Variants in CCBE1 observed in about 807,000 individuals in gnomAD.
The protein encoded by CCBE1 is collagen and calcium-binding EGF domain-containing protein 1.
In CCBE1, 37 loss-of-function variants were observed where a neutral mutation model predicts 50.0. The observed-to-expected ratio is 0.74, with a 90% CI of 0.57 to 0.97. The LOEUF is 0.97. Ranked by LOEUF, CCBE1 falls within the 50% of genes least tolerant of loss-of-function variation. The probability of loss-of-function intolerance (pLI) is 0.00; values close to 1 mark genes in which losing one functional copy is unlikely to be tolerated. For synonymous variants in CCBE1, 234 were observed against 203.7 expected, an observed-to-expected ratio of 1.15 and a Z score of -1.27; for missense variants, 538 against 523.8, an observed-to-expected ratio of 1.03 and a Z score of -0.26.
chr18:59,686,158 T>C (rs972708216), intron 2 of CCBE1: 3 of 152,224 alleles, frequency 2.0e-5, no homozygotes, highest in Non-Finnish European at 2.9e-5. Flanking sequence ...GAAAGCAAGG[T>C]ATGTATGACC....
chr18:59,537,229 C>G (rs1305413180), intron 2 of CCBE1, among the ~76,000 whole-genome samples: 1 of 152,098 alleles, frequency 6.6e-6, no homozygotes, highest in African/African-American at 2.4e-5. Flanking sequence ...AACTCAGATT[C>G]TGGAGTCGTC....
intron 2 of CCBE1, among the ~76,000 whole-genome samples, chr18:59,689,270 T>A (rs535013990): frequency 6.6e-6 from 1 of 152,180 alleles, no homozygotes; most frequent in Non-Finnish European, 1.5e-5. Flanking sequence ...GGGCCAAGGA[T>A]GAGAAGCTTC....
chr18:59,562,239 A>C (rs983827333), intron 2 of CCBE1, among the ~76,000 whole-genome samples: 6 of 152,288 alleles, frequency 3.9e-5, no homozygotes, highest in African/African-American at 1.4e-4. Context: ...ACACAAGCTG[A>C]CTGGCTAGGC....
At chr18:59,617,898 G>A (rs1246164893) in intron 2 of CCBE1, among the ~76,000 whole-genome samples, 3 of 152,202 alleles carry the variant, frequency 2.0e-5, no homozygotes, top group Non-Finnish European at 2.9e-5. Flanking sequence ...AATCAAGCCA[G>A]TATGTGACTT....
At chr18:59,509,398 A>G (rs1193842595) in intron 2 of CCBE1, among the ~76,000 whole-genome samples, 1 of 152,226 alleles carries the variant, frequency 6.6e-6, no homozygotes, top group Non-Finnish European at 1.5e-5. Flanking sequence ...TTTTAATGAT[A>G]CTATCTATAA....
At chr18:59,445,297 C>G (rs1368061512) in intron 7 of CCBE1, among the ~76,000 whole-genome samples, 1 of 152,188 alleles carries the variant, frequency 6.6e-6, no homozygotes, top group Non-Finnish European at 1.5e-5. Flanking sequence ...ATAATCAGCT[C>G]TGTGAGAGCT....
At chr18:59,560,884 A>G (rs62092932) in intron 2 of CCBE1, among the ~76,000 whole-genome samples, 17,213 of 152,228 alleles carry the variant, frequency 0.11, 1,326 homozygotes, top group East Asian at 0.4. Flanking sequence ...GAAGCATACT[A>G]AAGTACAAGT....
At chr18:59,677,583 T>TTAAAAGAG (rs1479625472) in intron 2 of CCBE1, among the ~76,000 whole-genome samples, 1 of 152,076 alleles carries the variant, frequency 6.6e-6, no homozygotes, top group Non-Finnish European at 1.5e-5. Flanking sequence ...AGGAAAAATG[T>TTAAAAGAG]GAGATCCAGG....
intron 2 of CCBE1, among the ~76,000 whole-genome samples, chr18:59,485,081 A>G (rs1912751765): frequency 1.3e-5 from 2 of 152,066 alleles, no homozygotes; most frequent in Admixed American, 6.5e-5. Context: ...TTCTGGGGAG[A>G]CAATCATTCT....
At chr18:59,591,492 A>G (rs566499000) in intron 2 of CCBE1, among the ~76,000 whole-genome samples, 2 of 152,362 alleles carry the variant, frequency 1.3e-5, no homozygotes, top group Admixed American at 1.3e-4. Context: ...TCACATATAC[A>G]TCGTATAAAC....
Position 59,467,149 on chromosome 18 carries a change from G to A in CCBE1, c.401-258C>T, listed in dbSNP as rs544430395. Among the ~76,000 whole-genome samples the A allele has an allele frequency of 8.9e-4, 135 of 152,314 alleles. 3 individuals carry two copies. The highest frequency in any genetic ancestry group is 6.8e-3 in the Middle Eastern group (2 of 294). ...TGGCTCTGCCACTCGCAAGTCATGTGGCTTAGACTGCTAGCCTTCAGAGAT... is the reference window on the plus strand; with the variant it reads ...TGGCTCTGCCACTCGCAAGTCATGTAGCTTAGACTGCTAGCCTTCAGAGAT... On this transcript the variant is annotated intron_variant, in intron 4 of 10. Coordinates refer to ENST00000439986, the MANE Select transcript of CCBE1 (RefSeq NM_133459.4).
chr18:59,633,731 GTT>G (rs565486478), intron 2 of CCBE1, among the ~76,000 whole-genome samples: 2 of 140,396 alleles, frequency 1.4e-5, no homozygotes, highest in South Asian at 2.3e-4. Flanking sequence ...TTTAGGGTTT[GTT>G]TTTTTTTTTT....
chr18:59,605,485 T>C (rs2053485879), intron 2 of CCBE1, among the ~76,000 whole-genome samples: 1 of 152,292 alleles, frequency 6.6e-6, no homozygotes, highest in South Asian at 2.1e-4. Context: ...CAAGTGAGCC[T>C]GAAAAAGAAT....
chr18:59,572,904 C>T (rs565419716), intron 2 of CCBE1, among the ~76,000 whole-genome samples: 198 of 152,230 alleles, frequency 1.3e-3, no homozygotes, highest in African/African-American at 4.6e-3. Flanking sequence ...TGGACAAACA[C>T]TAGTCTAGGT....
intron 2 of CCBE1, among the ~76,000 whole-genome samples, chr18:59,693,696 G>A (rs796099935): frequency 3.9e-5 from 6 of 152,052 alleles, no homozygotes; most frequent in South Asian, 2.1e-4. Flanking sequence ...GTATTTTATC[G>A]TTTTATACTC....
intron 2 of CCBE1, among the ~76,000 whole-genome samples, chr18:59,484,240 G>T (rs1912708300): frequency 6.6e-6 from 1 of 152,142 alleles, no homozygotes; most frequent in African/African-American, 2.4e-5. Context: ...ACTATAAGAG[G>T]AAGAAAAGTG....
intron 2 of CCBE1, among the ~76,000 whole-genome samples, chr18:59,582,983 A>T (rs1367559039): frequency 6.6e-6 from 1 of 152,004 alleles, no homozygotes; most frequent in Non-Finnish European, 1.5e-5. Context: ...TGCCCAACTA[A>T]ATAAAAAAAA....
At chr18:59,499,815 T>C (rs1352199903) in intron 2 of CCBE1, among the ~76,000 whole-genome samples, 1 of 152,108 alleles carries the variant, frequency 6.6e-6, no homozygotes, top group African/African-American at 2.4e-5. Context: ...TGGGCAGACT[T>C]TGAGATCTCT....
intron 2 of CCBE1, among the ~76,000 whole-genome samples, chr18:59,518,361 C>T (rs74815278): frequency 0.019 from 2,917 of 152,206 alleles, 78 homozygotes; most frequent in African/African-American, 0.065. Flanking sequence ...TGACGACGCA[C>T]GTGCCTGTAA....
Sources: gnomAD v4.1 joint callset for allele counts (sites outside exome capture counted in the v4.1 genomes callset) on GRCh38, gnomAD v4.1.1 for gene constraint, MANE v1.5 for transcripts, NCBI Gene and HGNC (gene_info 2026-07-23, HGNC 2026-07-21) for gene names.